Variants in MCPH1 observed in about 807,000 individuals in gnomAD.
MCPH1 encodes microcephalin.
In MCPH1, 104 loss-of-function variants were observed where a neutral mutation model predicts 84.5. The observed-to-expected ratio is 1.23, with a 90% CI of 1.05 to 1.45. The LOEUF is 1.45. Ranked by LOEUF, MCPH1 falls within the 40% of genes most tolerant of loss-of-function variation. The probability of loss-of-function intolerance (pLI) is 0.00; values close to 1 mark genes in which losing one functional copy is unlikely to be tolerated. For synonymous variants in MCPH1, 514 were observed against 366.8 expected (o/e 1.40, Z -4.58); for missense variants, 1,498 against 1,005.7 (o/e 1.49, Z -6.62).
chr8:6,600,995 C>A (rs985463784), intron 12 of MCPH1, among the ~76,000 whole-genome samples: 2 of 152,164 alleles, frequency 1.3e-5, no homozygotes, highest in East Asian at 3.9e-4. Flanking sequence ...TACGGGGTCA[C>A]CAAGGGAGGA....
chr8:6,505,170 C>T (rs1386747139), intron 12 of MCPH1, among the ~76,000 whole-genome samples: 1 of 31,486 alleles, frequency 3.2e-5, no homozygotes, highest in Non-Finnish European at 7.9e-5. Context: ...AACTCTATGC[C>T]AAAGAATATA....
At chr8:6,569,685 G>A (rs563886588) in intron 12 of MCPH1, among the ~76,000 whole-genome samples, 27 of 152,334 alleles carry the variant, frequency 1.8e-4, no homozygotes, top group African/African-American at 5.3e-4. Context: ...TGTCTTTTAT[G>A]TTAATGGTTA....
chr8:6,563,658 T>C lies in MCPH1; in HGVS notation c.2215-57796T>C, dbSNP rs1825873152. 2.0e-5 allele frequency among the ~76,000 whole-genome samples: 3 copies of C among 152,276 alleles called. No homozygotes were observed. In the South Asian group the frequency reaches 6.2e-4, roughly 32 times the overall value. On this transcript the variant is annotated intron_variant, in intron 12 of 13. Transcript: ENST00000344683. ...CAAATAGGTCAGGACTTCGGTTTAT[T>C]TTTGTTATTACAAATAAAGAGGAAG...
intron 12 of MCPH1, among the ~76,000 whole-genome samples, chr8:6,541,896 TAC>T (rs1821644560): frequency 6.6e-6 from 1 of 151,486 alleles, no homozygotes; most frequent in Non-Finnish European, 1.5e-5. Context: ...TGGTCCTAGC[TAC>T]TCAGGAGGCT....
intron 12 of MCPH1, among the ~76,000 whole-genome samples, chr8:6,545,141 A>G (rs1183884980): frequency 6.6e-6 from 1 of 152,038 alleles, no homozygotes; most frequent in African/African-American, 2.4e-5. Flanking sequence ...CGAACTTACT[A>G]AAGGTGATAG....
At chr8:6,624,827 C>T (rs12679292) in intron 13 of MCPH1, 47,057 of 984,846 alleles carry the variant, frequency 0.048, 1,345 homozygotes, top group East Asian at 0.21. Flanking sequence ...CTGCCTCATC[C>T]AGGTCCAGGC....
intron 13 of MCPH1, among the ~76,000 whole-genome samples, chr8:6,624,358 TGA>T (rs1391210311): frequency 6.6e-6 from 1 of 152,228 alleles, no homozygotes; most frequent in African/African-American, 2.4e-5. Context: ...CTCACCCATG[TGA>T]GACAGGTCCC....
chr8:6,470,437 A>C (rs1232742019), intron 9 of MCPH1, among the ~76,000 whole-genome samples: 1 of 152,020 alleles, frequency 6.6e-6, no homozygotes, highest in Non-Finnish European at 1.5e-5. Context: ...GTTTCCTGCC[A>C]CCACACCCAG....
rs73661721 is a variant in MCPH1, at chr8:6,411,656, G to A, written c.114+2286G>A. ...ACTGCAACAGTTACAGCCACAGTGC[G>A]TGATTTTTATTATAATACATTGCTA... On this transcript the variant is annotated intron_variant, in intron 2 of 13. Coordinates refer to ENST00000344683, the MANE Select transcript of MCPH1 (RefSeq NM_024596.5). 9.9e-3 allele frequency among the ~76,000 whole-genome samples: 1,507 copies of A among 152,286 alleles called. 26 individuals are homozygous for A. Among genetic ancestry groups the A allele is most frequent in the African/African-American group, 0.035 (1,450 of 41,544 alleles).
intron 1 of MCPH1, among the ~76,000 whole-genome samples, chr8:6,408,530 A>C (rs1798065774): frequency 6.6e-6 from 1 of 151,806 alleles, no homozygotes. Flanking sequence ...CCAGTAGAAG[A>C]AACTTCATTT....
intron 12 of MCPH1, among the ~76,000 whole-genome samples, chr8:6,600,655 T>G (rs761860015): frequency 1.3e-5 from 2 of 152,264 alleles, no homozygotes; most frequent in Admixed American, 6.5e-5. Flanking sequence ...TTGAAAGATT[T>G]CTTAAGTTTT....
rs145725992 is a variant in MCPH1 at position 6,571,386 on chromosome 8, A to G, written c.2215-50068A>G. ...TGGCTTTGAGGTGGGCTTATTTGTT[A>G]TAAGTCACATTAAATGTTCCCAAAT... is the stretch of plus-strand genomic sequence containing the variant. On this transcript the variant is annotated intron_variant, in intron 12 of 13. Coordinates refer to ENST00000344683, the MANE Select transcript of MCPH1 (RefSeq NM_024596.5). 1.0e-3 allele frequency among the ~76,000 whole-genome samples: 152 copies of G among 152,308 alleles called. 1 individual carries two copies. In the East Asian group the frequency reaches 0.023, roughly 23 times the overall value.
intron 12 of MCPH1, chr8:6,620,948 T>G (rs900840691): frequency 2.2e-5 from 4 of 179,074 alleles, no homozygotes; most frequent in Non-Finnish European, 3.6e-5. Context: ...TCACTCTCCC[T>G]TTCCCCGTCC....
chr8:6,510,639 C>T (rs542704139), intron 12 of MCPH1, among the ~76,000 whole-genome samples: 1 of 152,102 alleles, frequency 6.6e-6, no homozygotes, highest in Non-Finnish European at 1.5e-5. Flanking sequence ...TAAACTTGTC[C>T]GAGGTCAGAC....
intron 13 of MCPH1, among the ~76,000 whole-genome samples, chr8:6,633,660 T>C (rs1834451): frequency 0.32 from 48,031 of 151,846 alleles, 7,999 homozygotes; most frequent in Non-Finnish European, 0.38. Flanking sequence ...AACTTTTCCA[T>C]GCACACCCAA....
At chr8:6,515,665 A>T (rs1816129136) in intron 12 of MCPH1, among the ~76,000 whole-genome samples, 1 of 152,258 alleles carries the variant, frequency 6.6e-6, no homozygotes. Context: ...TAAAGATTAC[A>T]GTAGAACGAA....
At position 6,643,340 on chromosome 8, in the gene MCPH1, C is replaced by G. The variant is rs555798382; in HGVS notation, c.*291C>G. 2.4e-6 allele frequency: 1 copy of G among 413,058 alleles called. No homozygotes were observed. Among genetic ancestry groups the G allele is most frequent in the Non-Finnish European group, 4.5e-6 (1 of 224,216 alleles). 25.6% of individuals were successfully genotyped at this position (413,058 alleles called of 1,614,324 possible). A position where few individuals can be genotyped will look rare whatever the true frequency, so the allele number is the denominator to read the frequency against. On this transcript the variant is annotated 3_prime_UTR_variant, in exon 14 of 14. Transcript: ENST00000344683. ...AGTGCAATGGCACAATCTCGGCTCA[C>G]TGCAACCTCCACCTCCCAGGTTCAA...
intron 13 of MCPH1, among the ~76,000 whole-genome samples, chr8:6,630,168 C>G (rs1797051021): frequency 6.6e-6 from 1 of 152,172 alleles, no homozygotes; most frequent in African/African-American, 2.4e-5. Flanking sequence ...AAAATGGCAG[C>G]AAGGCAAATA....
chr8:6,527,074 C>A (rs942859022), intron 12 of MCPH1, among the ~76,000 whole-genome samples: 2 of 152,150 alleles, frequency 1.3e-5, no homozygotes, highest in Admixed American at 6.5e-5. Context: ...AAGCTAAGTC[C>A]CCAAGGGCAA....
Sources: gnomAD v4.1 joint callset for allele counts (sites outside exome capture counted in the v4.1 genomes callset) on GRCh38, gnomAD v4.1.1 for gene constraint, MANE v1.5 for transcripts, NCBI Gene and HGNC (gene_info 2026-07-23, HGNC 2026-07-21) for gene names.